The following NCKAP5 variants were observed in gnomAD, a reference collection of about 807,000 sequenced individuals.
The protein encoded by NCKAP5 is nck-associated protein 5.
In NCKAP5, 92 loss-of-function variants were observed where a neutral mutation model predicts 167.0. That is an observed-to-expected ratio of 0.55 (90% confidence interval 0.47 to 0.66). The LOEUF (loss-of-function observed/expected upper bound fraction) is 0.66. Among genes scored for constraint, NCKAP5 ranks in the 30% least tolerant of loss-of-function variants. The pLI is 0.00. For synonymous variants in NCKAP5, 891 were observed against 877.4 expected, an observed-to-expected ratio of 1.02 and a Z score of -0.27; for missense variants, 2,378 against 2,315.0, an observed-to-expected ratio of 1.03 and a Z score of -0.56.
chr2:132,781,814 A>C (rs1338054795), intron 14 of NCKAP5, 126 bp downstream of exon 14: 2 of 799,412 alleles, frequency 2.5e-6, no homozygotes, highest in Non-Finnish European at 3.9e-6. Context: ...AAAGACTGCT[A>C]CTATTCATTT....
rs537863978 is a variant in NCKAP5, at chr2:133,424,826, T to C, written c.69+92632A>G. On this transcript the variant is annotated intron_variant, in intron 3 of 19. Transcript: ENST00000409261. ...CGTGACAGTTTGAGGAGTCCTGTTT[T>C]AGAATTTGTTTAAGCCTAGGGGAAG... 3.9e-5 allele frequency among the ~76,000 whole-genome samples: 6 copies of C among 152,294 alleles called. No individual in the cohort carries two copies. The South Asian group carries it at 1.0e-3, about 26-fold the overall frequency.
chr2:133,664,122 G>C, the NCKAP5 span, among the ~76,000 whole-genome samples: 1 of 152,028 alleles, frequency 6.6e-6, no homozygotes, highest in Admixed American at 6.6e-5. Flanking sequence ...GGGTGACCAG[G>C]TGCACTGGTG....
the NCKAP5 span, among the ~76,000 whole-genome samples, chr2:133,650,669 G>A: frequency 6.6e-6 from 1 of 152,084 alleles, no homozygotes; most frequent in African/African-American, 2.4e-5. Context: ...AAGGTCAGGA[G>A]TTTGAGACGA....
chr2:133,356,861 A>C (rs1021061608), intron 3 of NCKAP5, among the ~76,000 whole-genome samples: 1 of 152,222 alleles, frequency 6.6e-6, no homozygotes, highest in Non-Finnish European at 1.5e-5. Flanking sequence ...GGAGGCCTTT[A>C]AACTACTGTC....
chr2:133,107,626 C>G (rs1476331125), intron 6 of NCKAP5, among the ~76,000 whole-genome samples: 1 of 152,154 alleles, frequency 6.6e-6, no homozygotes, highest in Non-Finnish European at 1.5e-5. Context: ...ACAAGCACCT[C>G]CAGGCAGACA....
chr2:133,006,371 G>T (rs1002091504), intron 6 of NCKAP5, among the ~76,000 whole-genome samples: 3 of 152,182 alleles, frequency 2.0e-5, no homozygotes, highest in Non-Finnish European at 2.9e-5. Flanking sequence ...GCCAAATGTA[G>T]CTCACTTTGC....
chr2:133,548,524 G>A (rs1686959606), intron 2 of NCKAP5, among the ~76,000 whole-genome samples: 2 of 151,818 alleles, frequency 1.3e-5, no homozygotes, highest in South Asian at 4.2e-4. Flanking sequence ...ACTAACAGCG[G>A]ATCTCTCGGC....
intron 3 of NCKAP5, among the ~76,000 whole-genome samples, chr2:133,479,834 GA>G (rs1342029171): frequency 6.6e-6 from 1 of 151,940 alleles, no homozygotes; most frequent in African/African-American, 2.4e-5. Flanking sequence ...TAAGACATTA[GA>G]AAAAGATATA....
At chr2:132,755,773 G>A (rs71413522) in intron 16 of NCKAP5, among the ~76,000 whole-genome samples, 2 of 151,400 alleles carry the variant, frequency 1.3e-5, no homozygotes, top group Non-Finnish European at 2.9e-5. Context: ...AGGGTGTGCA[G>A]TGAGCCGAGA....
intron 4 of NCKAP5, among the ~76,000 whole-genome samples, chr2:133,258,938 G>C (rs560030988): frequency 3.3e-5 from 5 of 152,082 alleles, no homozygotes; most frequent in Non-Finnish European, 7.4e-5. Flanking sequence ...ATATCCAACA[G>C]AACTAGCCTT....
intron 6 of NCKAP5, among the ~76,000 whole-genome samples, chr2:133,031,672 C>G (rs114129114): frequency 6.6e-6 from 1 of 152,188 alleles, no homozygotes; most frequent in South Asian, 2.1e-4. Context: ...TCCCCTACCC[C>G]AGCTGCACAG....
the NCKAP5 span, among the ~76,000 whole-genome samples, chr2:133,587,989 C>A: frequency 1.3e-5 from 2 of 151,778 alleles, no homozygotes; most frequent in Non-Finnish European, 2.9e-5. Flanking sequence ...TCCAGCCCAG[C>A]ATTTTGTTAA....
intron 6 of NCKAP5, among the ~76,000 whole-genome samples, chr2:133,074,458 T>A (rs1046836562): frequency 5.9e-5 from 9 of 152,142 alleles, no homozygotes; most frequent in Non-Finnish European, 7.3e-5. Context: ...CTCCTGAGGC[T>A]CAAATGATCC....
intron 19 of NCKAP5, among the ~76,000 whole-genome samples, chr2:132,683,828 A>T (rs1457474311): frequency 1.3e-5 from 2 of 152,194 alleles, no homozygotes; most frequent in Non-Finnish European, 2.9e-5. Flanking sequence ...GTGACAATAG[A>T]AACATCATGC....
At chr2:133,464,531 T>C (rs1364861549) in intron 3 of NCKAP5, among the ~76,000 whole-genome samples, 3 of 151,892 alleles carry the variant, frequency 2.0e-5, no homozygotes, top group Non-Finnish European at 2.9e-5. Flanking sequence ...CTACTAAAAA[T>C]ACAAAAAAAT....
intron 7 of NCKAP5, among the ~76,000 whole-genome samples, chr2:132,988,870 A>G (rs2077372517): frequency 1.3e-5 from 2 of 152,082 alleles, no homozygotes; most frequent in Non-Finnish European, 2.9e-5. Context: ...TTAATTGGTG[A>G]CTCTAAATTC....
chr2:132,674,056 T>C (rs779567302), intron 19 of NCKAP5, among the ~76,000 whole-genome samples: 39 of 152,184 alleles, frequency 2.6e-4, no homozygotes, highest in East Asian at 1.9e-4. Flanking sequence ...GGTTGCTCAG[T>C]TGGCTCCTAA....
rs755767941 is a variant in NCKAP5, at chr2:132,783,029, T to C, written c.3782A>G (p.His1261Arg). ...ATTCATACCCAGAGCTGGTTTTAGG[T>C]GTGGTTTGCTGGAGGAAAGGGATCT... is the stretch of plus-strand genomic sequence containing the variant. ...MRRSLSSSKPHLKPALGMNGA... is the reference protein window; with the variant it reads ...MRRSLSSSKPRLKPALGMNGA... Residue 1261 changes from histidine (H) to arginine (R), a missense_variant, in exon 14 of 20, where the codon CAC becomes CGC. Transcript: ENST00000409261. 7 of 1,613,646 alleles carry C rather than the reference T, an allele frequency of 4.3e-6. No individual in the cohort carries two copies. The highest frequency in any genetic ancestry group is 2.7e-5 in the African/African-American group (2 of 74,886).
chr2:133,300,603 T>A (rs1680318776), intron 4 of NCKAP5, among the ~76,000 whole-genome samples: 3 of 138,074 alleles, frequency 2.2e-5, no homozygotes, highest in Non-Finnish European at 3.1e-5. Context: ...AACTCTCAAT[T>A]AATTAGGTAT....
Sources: gnomAD v4.1 joint callset for allele counts (sites outside exome capture counted in the v4.1 genomes callset) on GRCh38, gnomAD v4.1.1 for gene constraint, MANE v1.5 for transcripts, NCBI Gene and HGNC (gene_info 2026-07-23, HGNC 2026-07-21) for gene names.